Variants in ZBTB8A observed in about 807,000 individuals in gnomAD.
ZBTB8A encodes zinc finger and BTB domain-containing protein 8A.
Under a neutral mutation model 37.8 loss-of-function variants are expected in ZBTB8A, and 19 were observed. The observed-to-expected ratio is 0.50, with a 90% CI of 0.35 to 0.74. ZBTB8A has a LOEUF of 0.74. ZBTB8A is among the 30% of genes least tolerant of loss of function. ZBTB8A has a pLI of 0.01. For synonymous variants in ZBTB8A, 181 were observed against 185.2 expected, an observed-to-expected ratio of 0.98 and a Z score of 0.19; for missense variants, 394 against 537.8, an observed-to-expected ratio of 0.73 and a Z score of 2.65.
At chr1:32,551,963 T>C (rs149313771) in intron 1 of ZBTB8A, among the ~76,000 whole-genome samples, 2 of 152,268 alleles carry the variant, frequency 1.3e-5, no homozygotes, top group African/African-American at 4.8e-5. Flanking sequence ...CTAAAACACA[T>C]TGATGACATT....
At chr1:32,566,101 C>T (rs1451707719) in intron 2 of ZBTB8A, among the ~76,000 whole-genome samples, 2 of 150,946 alleles carry the variant, frequency 1.3e-5, no homozygotes, top group East Asian at 3.9e-4. Flanking sequence ...ACTTGGGAGG[C>T]TGAAGCAGGA....
At chr1:32,598,223 A>ATTTTTT (rs762801492) in intron 4 of ZBTB8A, among the ~76,000 whole-genome samples, 4 of 86,022 alleles carry the variant, frequency 4.6e-5, no homozygotes, top group Non-Finnish European at 6.7e-5. Context: ...GCTTTCTTGG[A>ATTTTTT]TTTTTTTTTT....
intron 4 of ZBTB8A, 82 bp downstream of exon 4, chr1:32,595,305 G>A (rs534454905): frequency 2.1e-6 from 3 of 1,417,626 alleles, no homozygotes; most frequent in Non-Finnish European, 2.9e-6. Flanking sequence ...TTTCACTCTT[G>A]TTGCCAGGCT....
intron 4 of ZBTB8A, among the ~76,000 whole-genome samples, chr1:32,596,362 T>TC (rs1483953706): frequency 8.8e-6 from 1 of 113,160 alleles, no homozygotes; most frequent in East Asian, 2.6e-4. Context: ...TGAGCGAGAC[T>TC]CCATCTCAAA....
At chr1:32,556,249 T>C (rs1003816655) in intron 2 of ZBTB8A, among the ~76,000 whole-genome samples, 2 of 152,050 alleles carry the variant, frequency 1.3e-5, no homozygotes, top group African/African-American at 4.8e-5. Flanking sequence ...GTTATATTTT[T>C]AGTAGAGACA....
intron 1 of ZBTB8A, among the ~76,000 whole-genome samples, chr1:32,551,405 G>A (rs1284837111): frequency 1.3e-5 from 2 of 151,472 alleles, no homozygotes; most frequent in African/African-American, 4.9e-5. Flanking sequence ...CTGAGTGACA[G>A]AGTGAGACTC....
chr1:32,549,726 A>G (rs1343101442), intron 1 of ZBTB8A, among the ~76,000 whole-genome samples: 1 of 152,172 alleles, frequency 6.6e-6, no homozygotes, highest in African/African-American at 2.4e-5. Flanking sequence ...TGACAGAGTG[A>G]GACCCTGCCT....
intron 4 of ZBTB8A, among the ~76,000 whole-genome samples, chr1:32,597,965 G>C (rs1256192114): frequency 2.0e-5 from 3 of 150,958 alleles, no homozygotes; most frequent in African/African-American, 7.3e-5. Context: ...TGTTGGCCAG[G>C]CTGGTCTTGA....
chr1:32,552,456 G>A (rs982605512), intron 1 of ZBTB8A, among the ~76,000 whole-genome samples: 1 of 152,112 alleles, frequency 6.6e-6, no homozygotes, highest in Non-Finnish European at 1.5e-5. Context: ...GGTCGGTCAG[G>A]ATTTCGAGAC....
chr1:32,572,457 G>A (rs565759861), intron 2 of ZBTB8A, among the ~76,000 whole-genome samples: 4 of 150,846 alleles, frequency 2.7e-5, no homozygotes, highest in African/African-American at 9.7e-5. Flanking sequence ...GTACAGTGGC[G>A]TGATCTCACC....
intron 2 of ZBTB8A, among the ~76,000 whole-genome samples, chr1:32,567,690 G>A (rs1644290828): frequency 6.7e-6 from 1 of 150,256 alleles, no homozygotes; most frequent in Admixed American, 6.7e-5. Context: ...TACTCGGGAG[G>A]CTGAGGCAGG....
At chr1:32,542,976 T>C (rs1570302400) in intron 1 of ZBTB8A, among the ~76,000 whole-genome samples, 2 of 152,316 alleles carry the variant, frequency 1.3e-5, no homozygotes, top group Admixed American at 1.3e-4. Context: ...AAACCTTTTT[T>C]GATGACTCAA....
intron 4 of ZBTB8A, among the ~76,000 whole-genome samples, chr1:32,599,451 C>A (rs1322894769): frequency 1.3e-5 from 2 of 151,886 alleles, no homozygotes; most frequent in Non-Finnish European, 2.9e-5. Context: ...GGGCGCGGTG[C>A]CTCACACCTA....
chr1:32,559,778 C>T (rs972877576), intron 2 of ZBTB8A, among the ~76,000 whole-genome samples: 2 of 152,002 alleles, frequency 1.3e-5, no homozygotes, highest in Non-Finnish European at 2.9e-5. Context: ...TGTGGCAGTA[C>T]TGAGAGGTGG....
At chr1:32,543,510 A>G (rs1254759728) in intron 1 of ZBTB8A, among the ~76,000 whole-genome samples, 1 of 152,180 alleles carries the variant, frequency 6.6e-6, no homozygotes, top group Non-Finnish European at 1.5e-5. Flanking sequence ...CATCATTTGC[A>G]TAAAGAAACC....
chr1:32,545,349 T>A (rs995896726), intron 1 of ZBTB8A, among the ~76,000 whole-genome samples: 2 of 152,318 alleles, frequency 1.3e-5, no homozygotes, highest in South Asian at 4.1e-4. Context: ...ATGCTAAACA[T>A]CTCTTCATGT....
intron 2 of ZBTB8A, among the ~76,000 whole-genome samples, chr1:32,567,402 C>T (rs974313760): frequency 1.3e-5 from 2 of 152,144 alleles, no homozygotes; most frequent in Non-Finnish European, 2.9e-5. Context: ...CAGGGATCTT[C>T]TCTTGTATCT....
At chr1:32,592,491 TTTTG>T (rs906179954) in intron 2 of ZBTB8A, among the ~76,000 whole-genome samples, 126 of 151,678 alleles carry the variant, frequency 8.3e-4, no homozygotes, top group African/African-American at 2.8e-3. Context: ...AGTGAGCTTT[TTTTG>T]TTTGTTTGTT....
intron 1 of ZBTB8A, among the ~76,000 whole-genome samples, chr1:32,547,050 T>C (rs566536095): frequency 6.6e-6 from 1 of 152,090 alleles, no homozygotes; most frequent in South Asian, 2.1e-4. Context: ...CACAGGCATA[T>C]ACTACCACAC....
Sources: allele counts gnomAD v4.1 joint callset (sites outside exome capture counted in the v4.1 genomes callset), GRCh38; gene constraint gnomAD v4.1.1; transcripts MANE v1.5; gene names NCBI Gene and HGNC (gene_info 2026-07-23, HGNC 2026-07-21).